The following DHX34 variants were observed in gnomAD, a reference collection of about 807,000 sequenced individuals.
The protein encoded by DHX34 is DExH-box helicase 34, also known as probable ATP-dependent RNA helicase DHX34.
In DHX34, 96 loss-of-function variants were observed where a neutral mutation model predicts 111.1. The observed-to-expected ratio is 0.86, with a 90% CI of 0.73 to 1.02. DHX34 has a LOEUF of 1.02. DHX34 is among the 50% of genes least tolerant of loss of function. DHX34 has a pLI of 0.00. For synonymous variants in DHX34, 688 were observed against 670.4 expected (o/e 1.03, Z -0.41); for missense variants, 1,560 against 1,579.9 (o/e 0.99, Z 0.21).
Position 47,353,586 on chromosome 19 carries a change from G to A in DHX34, c.556G>A (p.Asp186Asn). Residue 186 changes from aspartate (D) to asparagine (N), a missense_variant, in exon 2 of 17, where the codon GAC becomes AAC. Physicochemically the swap from Asp to Asn is conservative, Grantham distance 23. Coordinates refer to ENST00000328771, the MANE Select transcript of DHX34 (RefSeq NM_014681.6). This position sits in a 1 kb window ranked among gnomAD's most constrained non-coding sequence, Gnocchi z 4.6. Reference protein sequence around the residue: ...KEHQVVVVAGDTGCGKSTQVP... With the variant: ...KEHQVVVVAGNTGCGKSTQVP... ...GCACCAGGTGGTGGTAGTGGCCGGT[G>A]ACACCGGCTGTGGCAAGTCCACTCA... 1.9e-6 allele frequency: 3 copies of A among 1,613,120 alleles called. No homozygotes were observed. The highest frequency in any genetic ancestry group is 2.5e-6 in the Non-Finnish European group (3 of 1,180,016).
At chr19:47,355,433 G>A in intron 3 of DHX34, 83 bp downstream of exon 3, 3 of 1,523,838 alleles carry the variant, frequency 2.0e-6, no homozygotes, top group Non-Finnish European at 2.7e-6. Context: ...TCTCTCTGCT[G>A]CTGTATCTCC....
chr19:47,365,241 T>C (rs1440780220), intron 6 of DHX34, among the ~76,000 whole-genome samples: 3 of 151,144 alleles, frequency 2.0e-5, no homozygotes, highest in Non-Finnish European at 2.9e-5. Flanking sequence ...TATTTATTTA[T>C]TTATTTATTT....
chr19:47,360,994 C>G (rs1487883600), intron 5 of DHX34, among the ~76,000 whole-genome samples: 1 of 152,044 alleles, frequency 6.6e-6, no homozygotes, highest in Non-Finnish European at 1.5e-5. Flanking sequence ...ATGTGCTGCT[C>G]TGTTTGCTCA....
intron 6 of DHX34, among the ~76,000 whole-genome samples, chr19:47,363,036 C>T (rs938581393): frequency 2.0e-5 from 3 of 151,992 alleles, no homozygotes; most frequent in Non-Finnish European, 4.4e-5. Context: ...CTGAAACCTC[C>T]GCCTCCCAGG....
At chr19:47,359,483 A>G (rs1969558607) in intron 4 of DHX34, among the ~76,000 whole-genome samples, 1 of 150,804 alleles carries the variant, frequency 6.6e-6, no homozygotes, top group Non-Finnish European at 1.5e-5. Context: ...AAAAAGTTCA[A>G]GATGTTCAGG....
In DHX34 at chr19:47,375,633, G is replaced by T; in HGVS notation, c.2232G>T (p.Glu744Asp). 6.4e-7 allele frequency: 1 copy of T among 1,552,382 alleles called. No individual in the cohort carries two copies. The change falls in exon 10 of 17, where the codon GAG (glutamate) becomes GAT (aspartate). Residue 744 changes from glutamate (E) to aspartate (D), a missense_variant. Coordinates refer to ENST00000328771, the MANE Select transcript of DHX34 (RefSeq NM_014681.6). Reference sequence around the variant, plus strand: ...GCAAGGTGCTGCGGCTGCAGGAGGAGCAGGACGGCGGCTCCAGTGACGAGG... The same window carrying T: ...GCAAGGTGCTGCGGCTGCAGGAGGATCAGGACGGCGGCTCCAGTGACGAGG... Reference protein sequence around the residue: ...RRRKVLRLQEEQDGGSSDEDR... With the variant: ...RRRKVLRLQEDQDGGSSDEDR...
At position 47,362,589 on chromosome 19, in the gene DHX34, C is replaced by T. The variant is rs1266813915; in HGVS notation, c.1489C>T (p.Pro497Ser). 1.2e-6 allele frequency: 2 copies of T among 1,613,762 alleles called. No homozygotes were observed. Among genetic ancestry groups the T allele is most frequent in the Non-Finnish European group, 8.5e-7 (1 of 1,179,952 alleles). ...QRKGRAGRTG[P>S]GVCFRLYAES... ...GAAGGGCCGGGCGGGCCGCACGGGC[C>T]CCGGAGTCTGCTTCCGCCTCTATGC... The change falls in exon 6 of 17, where the codon CCC becomes TCC. Residue 497 changes from proline (P) to serine (S), a missense_variant. Pro to Ser is a moderately conservative substitution (Grantham distance 74, BLOSUM62 -1). Coordinates refer to ENST00000328771, the MANE Select transcript of DHX34 (RefSeq NM_014681.6).
At chr19:47,355,881 T>A (rs1969443176) in intron 3 of DHX34, among the ~76,000 whole-genome samples, 1 of 151,210 alleles carries the variant, frequency 6.6e-6, no homozygotes. Context: ...AAATGTAAAG[T>A]CTCAAATAAG....
chr19:47,379,978 C>T lies in DHX34; in HGVS notation c.2975C>T (p.Ala992Val). The T allele has an allele frequency of 6.3e-7, 1 of 1,583,432 alleles. No homozygotes were observed. Among genetic ancestry groups the T allele is most frequent in the South Asian group, 1.1e-5 (1 of 89,126 alleles). Reference sequence around the variant, plus strand: ...AGCAAGGAACTCCTGCAATTCACGGCATCCAAGGTACCCTCCACCAGGGTG... The same window carrying T: ...AGCAAGGAACTCCTGCAATTCACGGTATCCAAGGTACCCTCCACCAGGGTG... ...TLSKELLQFTASKIPYSLRRL... is the reference protein window; with the variant it reads ...TLSKELLQFTVSKIPYSLRRL... The change falls in exon 14 of 17, where the codon GCA (alanine) becomes GTA (valine). Residue 992 changes from alanine (A) to valine (V), a missense_variant. Physicochemically the swap from Ala to Val is moderately conservative, Grantham distance 64 (BLOSUM62 0). Transcript: ENST00000328771.
At chr19:47,373,269 G>A (rs1970027881) in intron 8 of DHX34, among the ~76,000 whole-genome samples, 1 of 152,216 alleles carries the variant, frequency 6.6e-6, no homozygotes, top group Admixed American at 6.5e-5. Flanking sequence ...GTAGTGCTGG[G>A]GGCCCATCAG....
chr19:47,372,873 G>C lies in DHX34; in HGVS notation c.1912G>C (p.Asp638His), dbSNP rs766184476. 2 of 1,609,914 alleles carry C rather than the reference G, an allele frequency of 1.2e-6. No individual in the cohort carries two copies. Among genetic ancestry groups the C allele is most frequent in the Non-Finnish European group, 1.7e-6 (2 of 1,179,592 alleles). ...GGCAGCACGGCGGCCGCTGGAGAGC[G>C]ACCAGGGTGACCCCTTCACGCTCTT... ...CAAARRPLES[D>H]QGDPFTLFNV... is the part of the protein sequence containing the mutation. The change falls in exon 8 of 17, where the codon GAC becomes CAC. Residue 638 changes from aspartate to histidine, a missense_variant. By Grantham distance (81) the Asp-to-His change is moderately conservative. Transcript: ENST00000328771.
chr19:47,374,609 C>T (rs960813412), intron 9 of DHX34, among the ~76,000 whole-genome samples: 2 of 152,062 alleles, frequency 1.3e-5, no homozygotes, highest in Non-Finnish European at 2.9e-5. Context: ...GTAATCCATT[C>T]TGTTTGGTTG....
In DHX34 at chr19:47,379,896, CAGCTGG is replaced by C. The variant is rs765338989; in HGVS notation, c.2896_2901del (p.Leu966_Glu967del). ...GCAGCTGGCGCACCAGGCCCAGCAG[CAGCTGG>C]AGGAGGAGGAGGAGGATACGCCAGT... On this transcript the variant is annotated inframe_deletion, in exon 14 of 17. Coordinates refer to ENST00000328771, the MANE Select transcript of DHX34 (RefSeq NM_014681.6). 1.9e-6 allele frequency: 3 copies of C among 1,613,232 alleles called. No individual in the cohort carries two copies. Among genetic ancestry groups the C allele is most frequent in the Non-Finnish European group, 2.5e-6 (3 of 1,179,494 alleles).
At chr19:47,370,948 A>G (rs1969947028) in intron 7 of DHX34, among the ~76,000 whole-genome samples, 1 of 152,254 alleles carries the variant, frequency 6.6e-6, no homozygotes, top group South Asian at 2.1e-4. Context: ...TGCTGGGATT[A>G]CAGGCGTGAG....
chr19:47,363,035 C>T, intron 6 of DHX34, among the ~76,000 whole-genome samples: 1 of 152,234 alleles, frequency 6.6e-6, no homozygotes, highest in East Asian at 1.9e-4. Context: ...ACTGAAACCT[C>T]CGCCTCCCAG....
At chr19:47,365,305 G>A (rs993138724) in intron 6 of DHX34, among the ~76,000 whole-genome samples, 4 of 151,976 alleles carry the variant, frequency 2.6e-5, no homozygotes, top group Non-Finnish European at 4.4e-5. Context: ...AGGCTGGAGT[G>A]CAGTGGTGTT....
intron 5 of DHX34, among the ~76,000 whole-genome samples, chr19:47,362,104 G>GT (rs1348600283): frequency 6.6e-6 from 1 of 151,412 alleles, no homozygotes; most frequent in Non-Finnish European, 1.5e-5. Flanking sequence ...GTGAAACCCC[G>GT]TCACTGCAAA....
Position 47,359,989 on chromosome 19 carries a change from G to A in DHX34, c.1294G>A (p.Gly432Arg). The A allele has an allele frequency of 3.7e-6, 6 of 1,614,092 alleles. No homozygotes were observed. The South Asian group carries it at 6.6e-5, about 18-fold the overall frequency. The change falls in exon 5 of 17, where the codon GGA becomes AGA. Residue 432 changes from glycine to arginine, a missense_variant. Gly to Arg is a moderately radical substitution (Grantham distance 125, BLOSUM62 -2). Coordinates refer to ENST00000328771, the MANE Select transcript of DHX34 (RefSeq NM_014681.6). ...CCAGGTATTTGATGTGGCACCCCCTGGAGTCCGGAAATGCATCCTCTCCAC... is the reference window on the plus strand; with the variant it reads ...CCAGGTATTTGATGTGGCACCCCCTAGAGTCCGGAAATGCATCCTCTCCAC... ...QDKVFDVAPP[G>R]VRKCILSTNI...
intron 7 of DHX34, among the ~76,000 whole-genome samples, chr19:47,367,919 AAAAC>A (rs4039349): frequency 0.088 from 13,167 of 148,854 alleles, 821 homozygotes; most frequent in African/African-American, 0.17. Flanking sequence ...AAAAAAAGCA[AAAAC>A]AAACAGGTGA....
Sources: allele counts gnomAD v4.1 joint callset (sites outside exome capture counted in the v4.1 genomes callset), GRCh38; gene constraint gnomAD v4.1.1; non-coding constraint Gnocchi (gnomAD v3.1); transcripts MANE v1.5; gene names NCBI Gene and HGNC (gene_info 2026-07-23, HGNC 2026-07-21).